EDA2R: variants seen among roughly 807,000 people sequenced by gnomAD.
EDA2R encodes tumor necrosis factor receptor superfamily member 27.
A neutral mutation model predicts 20.1 loss-of-function variants in EDA2R; 26 were observed. The ratio of observed to expected loss-of-function variants is 1.30; its 90% CI spans 0.95 to 1.80. The LOEUF (loss-of-function observed/expected upper bound fraction) is 1.80, where lower values mean the gene tolerates loss of function less well. Ranked by LOEUF, EDA2R falls within the 40% of genes most tolerant of loss-of-function variation. The probability of loss-of-function intolerance (pLI) is 0.00; values close to 1 mark genes in which losing one functional copy is unlikely to be tolerated. For synonymous variants in EDA2R, 114 were observed against 88.7 expected (o/e 1.29, Z -1.60); for missense variants, 277 against 228.7 (o/e 1.21, Z -1.36).
At chrX:66,635,440 C>T (rs1197762504) in intron 1 of EDA2R, among the ~76,000 whole-genome samples, 1 of 112,469 alleles carries the variant, frequency 8.9e-6, no homozygotes, top group East Asian at 2.8e-4. Context: ...AAAGCAGCTT[C>T]TGCTTCAATA....
At chrX:66,615,339 C>T (rs1931488348) in intron 2 of EDA2R, among the ~76,000 whole-genome samples, 1 of 111,758 alleles carries the variant, frequency 8.9e-6, no homozygotes, top group African/African-American at 3.3e-5. Flanking sequence ...CCAGCTGCAG[C>T]CAAAATTTAA....
rs1326668879 is a variant in EDA2R, at chrX:66,597,906, C to G, written c.*198G>C. On this transcript the variant is annotated 3_prime_UTR_variant, in exon 7 of 7. Coordinates refer to ENST00000374719, the MANE Select transcript of EDA2R (RefSeq NM_021783.5). The stretch of plus-strand genomic sequence containing the variant: ...GGCTCCCCAGACTACAAAAGGGAAG[C>G]AAGAAATGCTCCAGATCAGTCCTTG... 8 of 491,665 alleles carry G rather than the reference C, an allele frequency of 1.6e-5. No individual in the cohort carries two copies. The African/African-American group carries it at 1.8e-4, about 11-fold the overall frequency. 40.5% of individuals were successfully genotyped at this position (491,665 alleles called of 1,213,427 possible).
intron 1 of EDA2R, among the ~76,000 whole-genome samples, chrX:66,625,135 G>C (rs1932948511): frequency 8.9e-6 from 1 of 111,793 alleles, no homozygotes; most frequent in Non-Finnish European, 1.9e-5. Context: ...GCTGAACTTT[G>C]TAACAATTTG....
At position 66,604,456 on chromosome X, in the gene EDA2R, G is replaced by A. The variant is rs774243719; in HGVS notation, c.317C>T (p.Pro106Leu). 47 of 1,209,304 alleles carry A rather than the reference G, an allele frequency of 3.9e-5. No individual in the cohort carries two copies. The highest frequency in any genetic ancestry group is 5.3e-5 in the Non-Finnish European group (47 of 894,104). The change falls in exon 4 of 7, where the codon CCG becomes CTG. Residue 106 changes from proline (P) to leucine (L), a missense_variant. Transcript: ENST00000374719. ...AGAGGTGGGGGTCTGCTTCGTGCAC[G>A]GGATGCACTCTTGGTCCTGCAGGCC... ...IGGLQDQECIPCTKQTPTSEV... is the reference protein window; with the variant it reads ...IGGLQDQECILCTKQTPTSEV...
chrX:66,625,515 T>C (rs1168509834), intron 1 of EDA2R, among the ~76,000 whole-genome samples: 1 of 110,846 alleles, frequency 9.0e-6, no homozygotes, highest in African/African-American at 3.3e-5. Flanking sequence ...GCAAGACCTA[T>C]CCAAGGAGAG....
chrX:66,630,822 T>C (rs6624230), intron 1 of EDA2R, among the ~76,000 whole-genome samples: 1,221 of 93,663 alleles, frequency 0.013, 21 homozygotes, highest in African/African-American at 0.033. Flanking sequence ...TATATATATA[T>C]ACACACACAC....
rs774658464 is a variant in EDA2R, at chrX:66,602,795, C to T, written c.355G>A (p.Ala119Thr). The T allele has an allele frequency of 8.5e-7, 1 of 1,179,554 alleles. No individual in the cohort carries two copies. Among genetic ancestry groups the T allele is most frequent in the South Asian group, 1.9e-5 (1 of 51,863 alleles). The part of the protein sequence containing the change: ...KQTPTSEVQC[A>T]FQLSLVEADT... Reference sequence around the variant, plus strand: ...GCCTCCACTAAGCTCAACTGGAAGGCACCTGTGAGACAAAAAAATGGGGGA... The same window carrying T: ...GCCTCCACTAAGCTCAACTGGAAGGTACCTGTGAGACAAAAAAATGGGGGA... The change falls in exon 5 of 7, where the codon GCC (alanine) becomes ACC (threonine). Residue 119 changes from alanine (A) to threonine (T), a missense_variant and splice_region_variant. Coordinates refer to ENST00000374719, the MANE Select transcript of EDA2R (RefSeq NM_021783.5).
At chrX:66,603,616 T>C (rs1385078356) in intron 4 of EDA2R, among the ~76,000 whole-genome samples, 1 of 111,934 alleles carries the variant, frequency 8.9e-6, no homozygotes, top group Non-Finnish European at 1.9e-5. Context: ...ACTTTTATTG[T>C]ATAAAGTCAC....
chrX:66,601,308 G>A (rs1928554825), intron 5 of EDA2R, among the ~76,000 whole-genome samples: 1 of 111,744 alleles, frequency 8.9e-6, no homozygotes, highest in Non-Finnish European at 1.9e-5. Flanking sequence ...CATGCACCCA[G>A]GGCCTAAGCA....
At chrX:66,629,877 A>C (rs1318851309) in intron 1 of EDA2R, among the ~76,000 whole-genome samples, 1 of 111,801 alleles carries the variant, frequency 8.9e-6, no homozygotes, top group Admixed American at 9.5e-5. Flanking sequence ...GAGCCCACAT[A>C]ACCAAAACAA....
intron 2 of EDA2R, among the ~76,000 whole-genome samples, chrX:66,605,932 T>C (rs1009251512): frequency 8.9e-6 from 1 of 112,211 alleles, no homozygotes; most frequent in Non-Finnish European, 1.9e-5. Context: ...TAGGTCATGG[T>C]AAAAAATGTT....
chrX:66,631,024 T>TAC (rs758766899), intron 1 of EDA2R, among the ~76,000 whole-genome samples: 1 of 109,664 alleles, frequency 9.1e-6, no homozygotes. Context: ...TATATACATA[T>TAC]ACACACACAT....
intron 2 of EDA2R, among the ~76,000 whole-genome samples, chrX:66,609,106 T>A (rs1402243672): frequency 8.9e-6 from 1 of 111,786 alleles, no homozygotes; most frequent in Non-Finnish European, 1.9e-5. Flanking sequence ...GTGAACTGTA[T>A]TTTAATAAGG....
intron 1 of EDA2R, among the ~76,000 whole-genome samples, 182 bp from the exon 2 acceptor site, chrX:66,616,212 G>A (rs1450098498): frequency 8.9e-6 from 1 of 112,589 alleles, no homozygotes; most frequent in African/African-American, 3.2e-5. Flanking sequence ...ATGAGTTCTT[G>A]TAAATGCTTT....
At chrX:66,609,660 C>T (rs770918136) in intron 2 of EDA2R, among the ~76,000 whole-genome samples, 82 of 111,682 alleles carry the variant, frequency 7.3e-4, no homozygotes, top group African/African-American at 2.6e-3. Context: ...TACTGACCAG[C>T]GATGTGACCT....
intron 1 of EDA2R, among the ~76,000 whole-genome samples, chrX:66,619,635 C>T (rs1211090287): frequency 9.0e-6 from 1 of 111,224 alleles, no homozygotes; most frequent in African/African-American, 3.3e-5. Flanking sequence ...GTCTCAATCC[C>T]ATGGAGTATA....
rs969685226 is a variant in EDA2R, at chrX:66,615,851, C to G, written c.87+83G>C. 6 of 747,847 alleles carry G rather than the reference C, an allele frequency of 8.0e-6. No individual in the cohort carries two copies. In the East Asian group the frequency reaches 2.1e-4, roughly 26 times the overall value. The allele number at this position is 747,847 out of a possible 1,213,427, so 61.6% of individuals were successfully genotyped here. A position where few individuals can be genotyped will look rare whatever the true frequency, so the allele number is the denominator to read the frequency against. On this transcript the variant is annotated intron_variant, in intron 2 of 6. Coordinates refer to ENST00000374719, the MANE Select transcript of EDA2R (RefSeq NM_021783.5). ...CTGGATCAGTCATAAGTAGGGCTGA[C>G]TCCCCTAATCTTGGCCTCTTTCAGT...
Position 66,599,783 on chromosome X carries a change from T to G in EDA2R, c.595A>C (p.Ser199Arg). ...TTCTCACTCACTTGGGACTCAGCAC[T>G]GGTCTCCTTGCTGGGTGGCACGGGG... The part of the protein sequence containing the change: ...LFPVPPSKET[S>R]AESQVSENIF... Residue 199 changes from serine to arginine, a missense_variant, in exon 6 of 7, where the codon AGT becomes CGT. By Grantham distance (110) the Ser-to-Arg change is moderately radical (BLOSUM62 -1). Coordinates refer to ENST00000374719, the MANE Select transcript of EDA2R (RefSeq NM_021783.5). 1 of 1,209,933 alleles carries G rather than the reference T, an allele frequency of 8.3e-7. No individual in the cohort carries two copies. Among genetic ancestry groups the G allele is most frequent in the Non-Finnish European group, 1.1e-6 (1 of 894,657 alleles).
intron 2 of EDA2R, among the ~76,000 whole-genome samples, chrX:66,608,072 A>T (rs967009338): frequency 2.7e-5 from 3 of 112,125 alleles, no homozygotes; most frequent in Non-Finnish European, 5.6e-5. Flanking sequence ...AAAAAGTAAG[A>T]TAAATGAAAT....
Sources: gnomAD v4.1 joint callset for allele counts (sites outside exome capture counted in the v4.1 genomes callset) on GRCh38, gnomAD v4.1.1 for gene constraint, MANE v1.5 for transcripts, NCBI Gene and HGNC (gene_info 2026-07-23, HGNC 2026-07-21) for gene names.